Variants in KCNH8 observed in about 807,000 individuals in gnomAD.
KCNH8 encodes the protein potassium voltage-gated channel subfamily H member 8.
KCNH8 carries 70 observed loss-of-function variants against 103.6 expected under a neutral mutation model. The ratio of observed to expected loss-of-function variants is 0.68; its 90% CI spans 0.56 to 0.82. The LOEUF is 0.82. KCNH8 is among the 40% of genes least tolerant of loss of function. The probability of loss-of-function intolerance (pLI) is 0.00; values close to 1 mark genes in which losing one functional copy is unlikely to be tolerated. For synonymous variants in KCNH8, 498 were observed against 489.4 expected, an observed-to-expected ratio of 1.02 and a Z score of -0.23; for missense variants, 1,217 against 1,329.9, an observed-to-expected ratio of 0.92 and a Z score of 1.32.
intron 5 of KCNH8, among the ~76,000 whole-genome samples, chr3:19,367,884 T>A (rs1314548224): frequency 6.6e-6 from 1 of 151,994 alleles, no homozygotes; most frequent in Non-Finnish European, 1.5e-5. Flanking sequence ...CACATCAAGG[T>A]CTTGTCAAGG....
In KCNH8 at chr3:19,281,314, G is replaced by A. The variant is rs754724411; in HGVS notation, c.427G>A (p.Glu143Lys). 1.2e-6 allele frequency: 2 copies of A among 1,602,374 alleles called. No individual in the cohort carries two copies. Among genetic ancestry groups the A allele is most frequent in the Admixed American group, 3.5e-5 (2 of 57,588 alleles). The change falls in exon 3 of 16, where the codon GAA (glutamate) becomes AAA (lysine). Residue 143 changes from glutamate to lysine, a missense_variant. Glu to Lys is a moderately conservative substitution (Grantham distance 56). Coordinates refer to ENST00000328405, the MANE Select transcript of KCNH8 (RefSeq NM_144633.3). ...ITDTKVKITP[E>K]DKKEDKVKGR... Reference sequence around the variant, plus strand: ...AGATACAAAAGTGAAGATTACTCCAGAAGATAAAAAAGAAGGTTTGTACCG... The same window carrying A: ...AGATACAAAAGTGAAGATTACTCCAAAAGATAAAAAAGAAGGTTTGTACCG...
At chr3:19,408,614 A>T (rs980787281) in intron 7 of KCNH8, among the ~76,000 whole-genome samples, 1 of 152,126 alleles carries the variant, frequency 6.6e-6, no homozygotes, top group Non-Finnish European at 1.5e-5. Context: ...AACACAAAAA[A>T]AATTCTAAAG....
chr3:19,168,800 T>C (rs1382012653), intron 1 of KCNH8, among the ~76,000 whole-genome samples: 1 of 152,238 alleles, frequency 6.6e-6, no homozygotes, highest in African/African-American at 2.4e-5. Flanking sequence ...AAGTTCATTA[T>C]GAAATTTCCT....
intron 7 of KCNH8, among the ~76,000 whole-genome samples, chr3:19,435,475 T>A (rs1210443135): frequency 1.3e-5 from 2 of 152,188 alleles, no homozygotes; most frequent in Admixed American, 6.5e-5. Context: ...GCAGAGTATC[T>A]AGAGCACAGG....
intron 7 of KCNH8, among the ~76,000 whole-genome samples, chr3:19,423,567 T>A (rs1575049822): frequency 6.6e-6 from 1 of 152,026 alleles, no homozygotes; most frequent in Non-Finnish European, 1.5e-5. Flanking sequence ...AGAGTAGTGG[T>A]CTCCAATTCC....
intron 11 of KCNH8, among the ~76,000 whole-genome samples, chr3:19,487,543 T>A (rs1337136960): frequency 6.6e-6 from 1 of 152,184 alleles, no homozygotes; most frequent in Non-Finnish European, 1.5e-5. Flanking sequence ...TGCTTTTGTC[T>A]AATTGGCTGG....
At chr3:19,325,900 A>C in intron 3 of KCNH8, among the ~76,000 whole-genome samples, 1 of 152,154 alleles carries the variant, frequency 6.6e-6, no homozygotes, top group Non-Finnish European at 1.5e-5. Flanking sequence ...ATGTTCATTG[A>C]AGCATTATTC....
chr3:19,516,930 G>C (rs952985814), intron 14 of KCNH8, among the ~76,000 whole-genome samples: 12 of 151,690 alleles, frequency 7.9e-5, no homozygotes, highest in African/African-American at 2.9e-4. Flanking sequence ...GCTTTCTATT[G>C]CCCTTAGTGT....
chr3:19,258,905 TTCTCTCTCTCTCTCTCTCTCTC>T lies in KCNH8; in HGVS notation c.310+5040_310+5061del, dbSNP rs755488116. ...AAATAACTTCATTTTTATTTTCTGTTTCTCTCTCTCTCTCTCTCTCTCTCTCTCTCTCTCTCTCTCTCTATAT... is the reference window on the plus strand; with the variant it reads ...AAATAACTTCATTTTTATTTTCTGTTTCTCTCTCTCTCTCTCTCTCTATAT... On this transcript the variant is annotated intron_variant, in intron 2 of 15. Coordinates refer to ENST00000328405, the MANE Select transcript of KCNH8 (RefSeq NM_144633.3). Among the ~76,000 whole-genome samples the T allele has an allele frequency of 1.9e-3, 81 of 43,080 alleles. 1 individual carries two copies. The highest frequency in any genetic ancestry group is 6.3e-3 in the African/African-American group (72 of 11,482). 28.3% of individuals were successfully genotyped at this position (43,080 alleles called of 152,430 possible).
intron 11 of KCNH8, among the ~76,000 whole-genome samples, chr3:19,485,536 G>T (rs554039396): frequency 6.6e-6 from 1 of 152,316 alleles, no homozygotes; most frequent in East Asian, 1.9e-4. Flanking sequence ...TTTGTGCACG[G>T]CCAATACGAT....
At chr3:19,302,115 C>T (rs2065071242) in intron 3 of KCNH8, among the ~76,000 whole-genome samples, 1 of 152,150 alleles carries the variant, frequency 6.6e-6, no homozygotes, top group Non-Finnish European at 1.5e-5. Context: ...TTAACTCAGT[C>T]TCTAATCCCT....
chr3:19,481,313 G>T (rs1025213746), intron 11 of KCNH8, among the ~76,000 whole-genome samples: 1 of 151,790 alleles, frequency 6.6e-6, no homozygotes, highest in Non-Finnish European at 1.5e-5. Flanking sequence ...CTCCCCAAAG[G>T]CTTCATTGCA....
intron 3 of KCNH8, among the ~76,000 whole-genome samples, chr3:19,297,685 C>G (rs1008694667): frequency 6.6e-6 from 1 of 152,162 alleles, no homozygotes; most frequent in African/African-American, 2.4e-5. Flanking sequence ...ACAAACCTCT[C>G]AGAAGTATGC....
At chr3:19,388,463 G>A (rs142260001) in intron 5 of KCNH8, among the ~76,000 whole-genome samples, 1,545 of 152,098 alleles carry the variant, frequency 0.01, 26 homozygotes, top group African/African-American at 0.035. Context: ...TCTCCCTCAC[G>A]GTGGCCATGC....
At position 19,241,753 on chromosome 3, in the gene KCNH8, T is replaced by C. The variant is rs572780376; in HGVS notation, c.77-11901T>C. On this transcript the variant is annotated intron_variant, in intron 1 of 15. Coordinates refer to ENST00000328405, the MANE Select transcript of KCNH8 (RefSeq NM_144633.3). ...ACACACACACACACACACACACACA[T>C]GCTTGATAGAAGAGAAACCATTCCT... is the stretch of plus-strand genomic sequence containing the variant. Among the ~76,000 whole-genome samples, 6 of 145,084 alleles carry C rather than the reference T, an allele frequency of 4.1e-5. No individual in the cohort carries two copies. In the South Asian group the frequency reaches 1.1e-3, roughly 26 times the overall value.
intron 10 of KCNH8, among the ~76,000 whole-genome samples, chr3:19,456,096 C>A (rs1224490791): frequency 1.3e-5 from 2 of 151,988 alleles, no homozygotes; most frequent in Non-Finnish European, 2.9e-5. Context: ...TTCTTCCACA[C>A]CATGTGGCTA....
At chr3:19,530,832 T>C (rs900869082) in intron 15 of KCNH8, among the ~76,000 whole-genome samples, 2 of 152,282 alleles carry the variant, frequency 1.3e-5, no homozygotes, top group Non-Finnish European at 2.9e-5. Flanking sequence ...AACTTAGAAG[T>C]CCTAAATTCT....
intron 4 of KCNH8, among the ~76,000 whole-genome samples, chr3:19,345,115 G>GA (rs554029100): frequency 2.2e-4 from 33 of 152,144 alleles, no homozygotes; most frequent in South Asian, 1.7e-3. Flanking sequence ...GGTATACCTT[G>GA]AAAAAGGTGT....
At chr3:19,156,986 A>ATTT (rs1559400830) in intron 1 of KCNH8, among the ~76,000 whole-genome samples, 3,098 of 146,434 alleles carry the variant, frequency 0.021, 103 homozygotes, top group African/African-American at 0.079. Flanking sequence ...TTTTTTTAAA[A>ATTT]AAAAGGTTTT....
Sources: gnomAD v4.1 joint callset for allele counts (sites outside exome capture counted in the v4.1 genomes callset) on GRCh38, gnomAD v4.1.1 for gene constraint, MANE v1.5 for transcripts, NCBI Gene and HGNC (gene_info 2026-07-23, HGNC 2026-07-21) for gene names.